The following SLC24A2 variants were observed in gnomAD, a reference collection of about 807,000 sequenced individuals.
The protein encoded by SLC24A2 is sodium/potassium/calcium exchanger 2.
SLC24A2 carries 36 observed loss-of-function variants against 62.0 expected under a neutral mutation model. That is an observed-to-expected ratio of 0.58 (90% CI 0.44 to 0.77). The LOEUF is 0.77. SLC24A2 is among the 30% of genes least tolerant of loss of function. The pLI is 0.00. For missense variants in SLC24A2, 846 were observed against 817.9 expected (o/e 1.03, Z -0.42); for synonymous variants, 358 against 294.0 (o/e 1.22, Z -2.23).
chr9:20,094,113 C>G, the SLC24A2 span, among the ~76,000 whole-genome samples: 1 of 152,064 alleles, frequency 6.6e-6, no homozygotes, highest in East Asian at 1.9e-4. Flanking sequence ...GCAATGATGC[C>G]TTGACAAGAA....
chr9:19,826,585 A>G, the SLC24A2 span, among the ~76,000 whole-genome samples: 1 of 152,182 alleles, frequency 6.6e-6, no homozygotes. Flanking sequence ...CTCTGCCTGC[A>G]AGTTGGCCCC....
At chr9:20,154,468 G>A in the SLC24A2 span, among the ~76,000 whole-genome samples, 1 of 151,714 alleles carries the variant, frequency 6.6e-6, no homozygotes, top group Non-Finnish European at 1.5e-5. Context: ...AGATGCGAAA[G>A]AAATGCAGCG....
chr9:20,221,680 C>A, the SLC24A2 span, among the ~76,000 whole-genome samples: 1 of 151,678 alleles, frequency 6.6e-6, no homozygotes, highest in Non-Finnish European at 1.5e-5. Flanking sequence ...TGTAACAAAC[C>A]GGCAGAACAT....
the SLC24A2 span, among the ~76,000 whole-genome samples, chr9:20,198,483 T>C: frequency 6.6e-6 from 1 of 152,132 alleles, no homozygotes; most frequent in South Asian, 2.1e-4. Flanking sequence ...CCCCTCCCTT[T>C]CCCTGACTTA....
chr9:19,846,432 A>T, the SLC24A2 span, among the ~76,000 whole-genome samples: 2 of 152,056 alleles, frequency 1.3e-5, no homozygotes, highest in Admixed American at 6.5e-5. Context: ...TTCGTTTTCC[A>T]TTTGCAAGAT....
At chr9:20,222,509 T>C in the SLC24A2 span, among the ~76,000 whole-genome samples, 2 of 152,238 alleles carry the variant, frequency 1.3e-5, no homozygotes, top group East Asian at 3.9e-4. Context: ...ATCCAACTAA[T>C]TTTATATCAA....
At chr9:20,143,524 G>C in the SLC24A2 span, among the ~76,000 whole-genome samples, 1 of 152,144 alleles carries the variant, frequency 6.6e-6, no homozygotes, top group Non-Finnish European at 1.5e-5. Flanking sequence ...GATGATGAGA[G>C]AAAAAACTAT....
chr9:19,695,229 T>C (rs940822291), intron 2 of SLC24A2, among the ~76,000 whole-genome samples: 6 of 152,000 alleles, frequency 3.9e-5, no homozygotes, highest in African/African-American at 1.4e-4. Flanking sequence ...AACAATGAAT[T>C]ATCCAGCCCC....
the SLC24A2 span, among the ~76,000 whole-genome samples, chr9:19,820,410 A>C: frequency 6.6e-6 from 1 of 151,150 alleles, no homozygotes; most frequent in Non-Finnish European, 1.5e-5. Flanking sequence ...ACCAAATACC[A>C]CCTGTACCCC....
chr9:20,200,576 T>C, the SLC24A2 span, among the ~76,000 whole-genome samples: 1 of 152,202 alleles, frequency 6.6e-6, no homozygotes, highest in Admixed American at 6.5e-5. Context: ...GTCAACTCAT[T>C]GGGCTTAAAA....
chr9:19,911,159 C>T, the SLC24A2 span, among the ~76,000 whole-genome samples: 1 of 147,592 alleles, frequency 6.8e-6, no homozygotes, highest in Non-Finnish European at 1.5e-5. Flanking sequence ...TGAGTGAGAA[C>T]ATGCGGTGTT....
the SLC24A2 span, among the ~76,000 whole-genome samples, chr9:20,300,989 T>C: frequency 2.0e-5 from 3 of 152,136 alleles, no homozygotes; most frequent in Non-Finnish European, 2.9e-5. Flanking sequence ...AATCCATCCA[T>C]TGAGTAAAAA....
At chr9:19,537,320 G>T (rs1431070419) in intron 8 of SLC24A2, among the ~76,000 whole-genome samples, 1 of 124,340 alleles carries the variant, frequency 8.0e-6, no homozygotes, top group Non-Finnish European at 1.7e-5. Flanking sequence ...TTCTTCTAGG[G>T]TTTTTATGGT....
At chr9:20,095,404 G>C in the SLC24A2 span, among the ~76,000 whole-genome samples, 2 of 152,072 alleles carry the variant, frequency 1.3e-5, no homozygotes, top group African/African-American at 4.8e-5. Context: ...GTGTGTTTTG[G>C]GATGAGATTA....
chr9:19,886,912 T>A, the SLC24A2 span, among the ~76,000 whole-genome samples: 1 of 152,164 alleles, frequency 6.6e-6, no homozygotes, highest in Non-Finnish European at 1.5e-5. Context: ...GGGACATGGA[T>A]AGAGCTGGCA....
chr9:19,640,145 T>C (rs1438823143), intron 2 of SLC24A2, among the ~76,000 whole-genome samples: 1 of 152,228 alleles, frequency 6.6e-6, no homozygotes, highest in Admixed American at 6.5e-5. Flanking sequence ...TCATAACATA[T>C]TTAAGCAGTC....
At chr9:19,978,323 C>G in the SLC24A2 span, among the ~76,000 whole-genome samples, 1 of 152,090 alleles carries the variant, frequency 6.6e-6, no homozygotes, top group Non-Finnish European at 1.5e-5. Context: ...AAGAAGAGAG[C>G]CTTGGAAATG....
chr9:19,639,762 T>A (rs1432761509), intron 2 of SLC24A2, among the ~76,000 whole-genome samples: 3 of 152,254 alleles, frequency 2.0e-5, no homozygotes, highest in African/African-American at 7.2e-5. Context: ...GTATAAAAGC[T>A]TGGCTAAGAT....
intron 2 of SLC24A2, among the ~76,000 whole-genome samples, chr9:19,780,372 ATTC>A (rs919157956): frequency 1.3e-5 from 2 of 151,030 alleles, no homozygotes; most frequent in Admixed American, 1.3e-4. Context: ...GGTTCAAGCA[ATTC>A]TTCTGCCTCA....
Sources: allele counts gnomAD v4.1 joint callset (sites outside exome capture counted in the v4.1 genomes callset), GRCh38; gene constraint gnomAD v4.1.1; transcripts MANE v1.5; gene names NCBI Gene and HGNC (gene_info 2026-07-23, HGNC 2026-07-21).